Variants in FAF1 observed in about 807,000 individuals in gnomAD.
FAF1 encodes the protein Fas associated factor 1.
Under a neutral mutation model 92.5 loss-of-function variants are expected in FAF1, and 25 were observed. The ratio of observed to expected loss-of-function variants is 0.27; its 90% CI spans 0.20 to 0.38. The LOEUF is 0.38. Among genes scored for constraint, FAF1 ranks in the 10% least tolerant of loss-of-function variants. FAF1 has a pLI of 1.00. For missense variants in FAF1, 636 were observed against 793.3 expected, an observed-to-expected ratio of 0.80 and a Z score of 2.38; for synonymous variants, 234 against 273.2, an observed-to-expected ratio of 0.86 and a Z score of 1.42.
chr1:50,689,388 T>C (rs1341710478), intron 7 of FAF1, among the ~76,000 whole-genome samples: 1 of 151,858 alleles, frequency 6.6e-6, no homozygotes, highest in African/African-American at 2.4e-5. Flanking sequence ...ATACAGACCA[T>C]CCTCGCTAAC....
At chr1:50,707,255 T>C (rs1037420070) in intron 6 of FAF1, among the ~76,000 whole-genome samples, 4 of 151,878 alleles carry the variant, frequency 2.6e-5, no homozygotes, top group Non-Finnish European at 4.4e-5. Flanking sequence ...CCTATTGTCT[T>C]CCATAGCGTT....
rs374280124 is a variant in FAF1 at position 50,546,749 on chromosome 1, G to C, written c.1269-7021C>G. Reference sequence around the variant, plus strand: ...GAGGGTCACATAGATATGGGTTTAAGAAGGAGACTTTTTATTACATACCTT... The same window carrying C: ...GAGGGTCACATAGATATGGGTTTAACAAGGAGACTTTTTATTACATACCTT... On this transcript the variant is annotated intron_variant, in intron 13 of 18. Coordinates refer to ENST00000396153, the MANE Select transcript of FAF1 (RefSeq NM_007051.3). Among the ~76,000 whole-genome samples, 29 of 152,260 alleles carry C rather than the reference G, an allele frequency of 1.9e-4. No homozygotes were observed. In the South Asian group the frequency reaches 4.8e-3, roughly 25 times the overall value.
At chr1:50,770,077 A>G (rs1660724664) in intron 4 of FAF1, among the ~76,000 whole-genome samples, 1 of 152,112 alleles carries the variant, frequency 6.6e-6, no homozygotes, top group Admixed American at 6.6e-5. Flanking sequence ...AACCTTCAAC[A>G]AACTAGGCCC....
intron 1 of FAF1, among the ~76,000 whole-genome samples, chr1:50,950,753 C>T (rs1031056737): frequency 3.3e-5 from 5 of 152,188 alleles, no homozygotes; most frequent in Non-Finnish European, 7.3e-5. Flanking sequence ...AGACAAAGTG[C>T]CACCTTTCTC....
chr1:50,675,327 A>T (rs1038819906), intron 7 of FAF1, among the ~76,000 whole-genome samples: 2 of 152,260 alleles, frequency 1.3e-5, no homozygotes, highest in African/African-American at 4.8e-5. Flanking sequence ...CTAGAGCAGC[A>T]GTCGAAAATG....
intron 8 of FAF1, among the ~76,000 whole-genome samples, chr1:50,599,721 G>C: frequency 6.6e-6 from 1 of 152,190 alleles, no homozygotes; most frequent in Non-Finnish European, 1.5e-5. Context: ...GAAAAAGCAT[G>C]TGTGTTTCAG....
intron 1 of FAF1, among the ~76,000 whole-genome samples, chr1:50,933,953 G>A (rs1046919153): frequency 1.3e-5 from 2 of 152,172 alleles, no homozygotes; most frequent in African/African-American, 4.8e-5. Context: ...CAGGCCCCAT[G>A]ATTCATTTAT....
intron 4 of FAF1, among the ~76,000 whole-genome samples, chr1:50,758,414 A>G (rs1660169890): frequency 6.6e-6 from 1 of 152,224 alleles, no homozygotes; most frequent in African/African-American, 2.4e-5. Context: ...CTGTCTTACG[A>G]CAGAATACTT....
At chr1:50,846,889 A>G in intron 2 of FAF1, 1 of 405,026 alleles carries the variant, frequency 2.5e-6, no homozygotes, top group Non-Finnish European at 4.6e-6. Flanking sequence ...TTCATATTTG[A>G]GCAGCATGGA....
At chr1:50,942,448 G>A (rs1028192217) in intron 1 of FAF1, among the ~76,000 whole-genome samples, 1 of 152,120 alleles carries the variant, frequency 6.6e-6, no homozygotes, top group African/African-American at 2.4e-5. Context: ...GTATTTTAAG[G>A]AAGGGGAGGG....
intron 8 of FAF1, among the ~76,000 whole-genome samples, chr1:50,636,795 A>G (rs1013160034): frequency 3.9e-5 from 6 of 152,014 alleles, no homozygotes; most frequent in Non-Finnish European, 7.4e-5. Context: ...ATTTTCTCCT[A>G]TATTTTCTCC....
intron 8 of FAF1, among the ~76,000 whole-genome samples, chr1:50,635,284 T>C (rs946070589): frequency 2.0e-5 from 3 of 152,230 alleles, no homozygotes; most frequent in Admixed American, 2.0e-4. Flanking sequence ...TACTGAATAA[T>C]TGTAAACCTT....
intron 7 of FAF1, among the ~76,000 whole-genome samples, chr1:50,703,642 T>C (rs1229965100): frequency 6.6e-6 from 1 of 152,134 alleles, no homozygotes; most frequent in Non-Finnish European, 1.5e-5. Flanking sequence ...AAGAAATACA[T>C]AAGAATATCT....
Position 50,437,053 on chromosome 1 carries a change from AT to A in FAF1, c.*4386del, listed in dbSNP as rs892122737. On this transcript the variant is annotated 3_prime_UTR_variant, in exon 19 of 19. Coordinates refer to ENST00000396153, the MANE Select transcript of FAF1 (RefSeq NM_007051.3). ...TGGAGATCATGTCTCTTTTATTAAT[AT>A]TTTCTTTCAGACCAAACTTTCAAAA... 6.6e-6 allele frequency: 1 copy of A among 152,120 alleles called. No homozygotes were observed. The highest frequency in any genetic ancestry group is 2.4e-5 in the African/African-American group (1 of 41,414). 9.4% of individuals were successfully genotyped at this position (152,120 alleles called of 1,614,324 possible).
At chr1:50,890,038 T>C (rs186243755) in intron 1 of FAF1, among the ~76,000 whole-genome samples, 1 of 152,362 alleles carries the variant, frequency 6.6e-6, no homozygotes, top group East Asian at 1.9e-4. Flanking sequence ...GCTTTGTGAA[T>C]CTGGGTGCTC....
At chr1:50,779,461 T>C (rs952780065) in intron 4 of FAF1, among the ~76,000 whole-genome samples, 7 of 152,106 alleles carry the variant, frequency 4.6e-5, no homozygotes, top group African/African-American at 1.7e-4. Flanking sequence ...AAATTTGAAA[T>C]TACTCCATGA....
At chr1:50,554,390 TAG>T (rs34360366) in intron 13 of FAF1, among the ~76,000 whole-genome samples, 82 of 93,686 alleles carry the variant, frequency 8.8e-4, no homozygotes, top group African/African-American at 2.8e-3. Flanking sequence ...TATATATATA[TAG>T]AGAGAGAGAG....
intron 7 of FAF1, among the ~76,000 whole-genome samples, chr1:50,667,426 G>A (rs1285043083): frequency 6.6e-6 from 1 of 152,098 alleles, no homozygotes; most frequent in African/African-American, 2.4e-5. Flanking sequence ...CTCCACAGTT[G>A]GGCACTCTTG....
At chr1:50,768,327 G>C (rs1156337796) in intron 4 of FAF1, among the ~76,000 whole-genome samples, 1 of 152,078 alleles carries the variant, frequency 6.6e-6, no homozygotes, top group Non-Finnish European at 1.5e-5. Flanking sequence ...AGAGACTTAA[G>C]ATAACCACAC....
Sources: gnomAD v4.1 joint callset for allele counts (sites outside exome capture counted in the v4.1 genomes callset) on GRCh38, gnomAD v4.1.1 for gene constraint, MANE v1.5 for transcripts, NCBI Gene and HGNC (gene_info 2026-07-23, HGNC 2026-07-21) for gene names.